Variants in CAMTA1 observed in about 807,000 individuals in gnomAD.
The protein encoded by CAMTA1 is calmodulin-binding transcription activator 1.
In CAMTA1, 27 loss-of-function variants were observed where a neutral mutation model predicts 170.9. The ratio of observed to expected loss-of-function variants is 0.16; its 90% CI spans 0.12 to 0.22. The LOEUF is 0.22. Ranked by LOEUF, CAMTA1 falls within the 10% of genes least tolerant of loss-of-function variation. CAMTA1 has a pLI of 1.00. For synonymous variants in CAMTA1, 833 were observed against 891.5 expected (o/e 0.93, Z 1.17); for missense variants, 1,619 against 2,217.2 (o/e 0.73, Z 5.42).
intron 3 of CAMTA1, among the ~76,000 whole-genome samples, chr1:6,893,173 A>G (rs1056103985): frequency 2.6e-5 from 4 of 152,072 alleles, no homozygotes; most frequent in Admixed American, 6.5e-5. Flanking sequence ...CCAGCTACTC[A>G]GGAGGCTGAG....
At chr1:7,579,342 C>T (rs748089392) in intron 6 of CAMTA1, among the ~76,000 whole-genome samples, 7 of 152,174 alleles carry the variant, frequency 4.6e-5, no homozygotes, top group Non-Finnish European at 8.8e-5. Context: ...ACAACCGTCA[C>T]GATGGTGGCA....
intron 3 of CAMTA1, among the ~76,000 whole-genome samples, chr1:6,911,884 G>A (rs527837637): frequency 6.6e-6 from 1 of 152,382 alleles, no homozygotes; most frequent in East Asian, 1.9e-4. Flanking sequence ...GGGCACAGGA[G>A]ATATTTGATG....
intron 6 of CAMTA1, among the ~76,000 whole-genome samples, chr1:7,595,764 G>T (rs1215414802): frequency 6.6e-6 from 1 of 152,342 alleles, no homozygotes; most frequent in Non-Finnish European, 1.5e-5. Context: ...CTTGCCTGAG[G>T]TTACAGAGCT....
intron 4 of CAMTA1, among the ~76,000 whole-genome samples, chr1:7,243,933 C>CT (rs2149272378): frequency 6.6e-6 from 1 of 152,090 alleles, no homozygotes; most frequent in East Asian, 1.9e-4. Context: ...CAAAAGAAAC[C>CT]ACCATCAGAG....
Position 7,063,688 on chromosome 1 carries a change from C to T in CAMTA1, c.235-27616C>T, listed in dbSNP as rs1708585435. ...GACTTAGATTATTAGACATTTTCTT[C>T]TTATAAAAATCAGCAAGTTGTACCT... is the stretch of plus-strand genomic sequence containing the variant. On this transcript the variant is annotated intron_variant, in intron 3 of 22. Transcript: ENST00000303635. The surrounding 1 kb of genome is among the most constrained non-coding windows in gnomAD (Gnocchi z 4.3). Among the ~76,000 whole-genome samples the T allele has an allele frequency of 6.6e-6, 1 of 152,162 alleles. No individual in the cohort carries two copies. Among genetic ancestry groups the T allele is most frequent in the South Asian group, 2.1e-4 (1 of 4,822 alleles).
At chr1:7,246,591 G>A (rs901331323) in intron 4 of CAMTA1, among the ~76,000 whole-genome samples, 1 of 149,964 alleles carries the variant, frequency 6.7e-6, no homozygotes, top group African/African-American at 2.5e-5. Context: ...CTGTGGTCTA[G>A]CCCACCTGTC....
intron 4 of CAMTA1, among the ~76,000 whole-genome samples, chr1:7,158,742 T>C (rs1647036153): frequency 6.6e-6 from 1 of 152,216 alleles, no homozygotes; most frequent in African/African-American, 2.4e-5. Flanking sequence ...CTTTCAGATT[T>C]TCTGTATGTT....
At position 7,642,471 on chromosome 1, in the gene CAMTA1, C is replaced by G. The variant is rs2095771062; in HGVS notation, c.664+1918C>G. Among the ~76,000 whole-genome samples the G allele has an allele frequency of 6.6e-6, 1 of 152,144 alleles. No homozygotes were observed. The highest frequency in any genetic ancestry group is 1.5e-5 in the Non-Finnish European group (1 of 68,002). On this transcript the variant is annotated intron_variant, in intron 7 of 22. Transcript: ENST00000303635. The surrounding 1 kb of genome is among the most constrained non-coding windows in gnomAD (Gnocchi z 6.3). ...GAGTCTGGGGCACCGGTGCTGCGGG[C>G]CCTGCTGTCAGGCCCGCCTGCCTGC...
At chr1:7,409,247 G>A (rs975133077) in intron 5 of CAMTA1, among the ~76,000 whole-genome samples, 1 of 152,238 alleles carries the variant, frequency 6.6e-6, no homozygotes, top group Non-Finnish European at 1.5e-5. Context: ...CGGACCAAGA[G>A]GGGGATGGTG....
chr1:7,119,918 A>G (rs1241407965), intron 4 of CAMTA1, among the ~76,000 whole-genome samples: 1 of 152,170 alleles, frequency 6.6e-6, no homozygotes, highest in African/African-American at 2.4e-5. Flanking sequence ...CACCATGGAT[A>G]CCTGTGGGCC....
In CAMTA1 at chr1:7,270,291, A is replaced by ATATT. The variant is rs1336977888; in HGVS notation, c.438+20666_438+20667insATTT. ...CACACACACATATATATATATATATATTTTTTTTTTTTTTTCTTGTGAGAT... is the reference window on the plus strand; with the variant it reads ...CACACACACATATATATATATATATATATTTTTTTTTTTTTTTTTCTTGTGAGAT... On this transcript the variant is annotated intron_variant, in intron 5 of 22. Coordinates refer to ENST00000303635, the MANE Select transcript of CAMTA1 (RefSeq NM_015215.4). Among the ~76,000 whole-genome samples the ATATT allele has an allele frequency of 2.5e-3, 276 of 110,538 alleles. 2 individuals are homozygous for ATATT. The highest frequency in any genetic ancestry group is 8.1e-3 in the African/African-American group (241 of 29,660). 72.5% of individuals were successfully genotyped at this position (110,538 alleles called of 152,430 possible).
chr1:7,624,240 C>T (rs748027935), intron 6 of CAMTA1, among the ~76,000 whole-genome samples: 1 of 152,252 alleles, frequency 6.6e-6, no homozygotes, highest in Non-Finnish European at 1.5e-5. Flanking sequence ...TTGTCTCCCA[C>T]ACCAGCTGTG....
Position 7,677,741 on chromosome 1 carries a change from C to T in CAMTA1, c.2914+8C>T. The T allele has an allele frequency of 6.2e-7, 1 of 1,612,330 alleles. No individual in the cohort carries two copies. Among genetic ancestry groups the T allele is most frequent in the Non-Finnish European group, 8.5e-7 (1 of 1,179,294 alleles). On this transcript the variant is annotated splice_region_variant and intron_variant, in intron 11 of 22. Transcript: ENST00000303635. ...ACTGGCTGTCGTTGGACGGTAAGAA[C>T]AGTGCTTGGGTCGTCTTGCCAGGCA...
chr1:7,562,569 C>T lies in CAMTA1; in HGVS notation c.511-77831C>T, dbSNP rs148771446. On this transcript the variant is annotated intron_variant, in intron 6 of 22. Coordinates refer to ENST00000303635, the MANE Select transcript of CAMTA1 (RefSeq NM_015215.4). This position sits in a 1 kb window ranked among gnomAD's most constrained non-coding sequence, Gnocchi z 4.8. Reference sequence around the variant, plus strand: ...CTGGCCCCTGACAGGCAGCAGTACCCGCTGTCACGCTGCCTGCATGTCCCA... The same window carrying T: ...CTGGCCCCTGACAGGCAGCAGTACCTGCTGTCACGCTGCCTGCATGTCCCA... 3.6e-3 allele frequency among the ~76,000 whole-genome samples: 546 copies of T among 152,314 alleles called. 4 individuals carry two copies. Among genetic ancestry groups the T allele is most frequent in the African/African-American group, 0.013 (527 of 41,576 alleles).
chr1:7,055,650 G>A (rs1707209777), intron 3 of CAMTA1, among the ~76,000 whole-genome samples: 1 of 152,350 alleles, frequency 6.6e-6, no homozygotes, highest in African/African-American at 2.4e-5. Flanking sequence ...GGTCACCTGA[G>A]TGTCCTGTGA....
chr1:6,920,951 A>G (rs918786093), intron 3 of CAMTA1, among the ~76,000 whole-genome samples: 1 of 152,224 alleles, frequency 6.6e-6, no homozygotes, highest in Non-Finnish European at 1.5e-5. Flanking sequence ...AAGACCTCTG[A>G]CAAGCCCTAG....
intron 5 of CAMTA1, among the ~76,000 whole-genome samples, chr1:7,408,728 T>C (rs2090483063): frequency 6.6e-6 from 1 of 152,168 alleles, no homozygotes. Flanking sequence ...GTCCTCAGCC[T>C]CCATAGCACG....
chr1:7,170,293 T>C (rs1649332217), intron 4 of CAMTA1, among the ~76,000 whole-genome samples: 1 of 151,292 alleles, frequency 6.6e-6, no homozygotes, highest in Admixed American at 6.6e-5. Flanking sequence ...AAAATGGGTT[T>C]CTTTTTTTTT....
intron 3 of CAMTA1, among the ~76,000 whole-genome samples, chr1:6,909,770 C>G (rs972102256): frequency 2.0e-5 from 3 of 152,256 alleles, no homozygotes; most frequent in African/African-American, 7.2e-5. Context: ...TACAATTAAT[C>G]TGTGTGCACA....
Sources: allele counts gnomAD v4.1 joint callset (sites outside exome capture counted in the v4.1 genomes callset), GRCh38; gene constraint gnomAD v4.1.1; non-coding constraint Gnocchi (gnomAD v3.1); transcripts MANE v1.5; gene names NCBI Gene and HGNC (gene_info 2026-07-23, HGNC 2026-07-21).